TARBP1: variants seen among roughly 807,000 people sequenced by gnomAD.
TARBP1 encodes the protein tRNA guanosine 2 -O-methyltransferase TARBP1.
In TARBP1, 144 loss-of-function variants were observed where a neutral mutation model predicts 178.6. The ratio of observed to expected loss-of-function variants is 0.81; its 90% CI spans 0.70 to 0.93. The LOEUF (loss-of-function observed/expected upper bound fraction) is 0.93. TARBP1 is among the 40% of genes least tolerant of loss of function. TARBP1 has a pLI of 0.00. For synonymous variants in TARBP1, 787 were observed against 781.0 expected (o/e 1.01, Z -0.13); for missense variants, 2,067 against 2,011.7 (o/e 1.03, Z -0.53).
rs1571909040 is a variant in TARBP1, at chr1:234,479,179, G to T, written c.-76C>A. 1 of 1,308,738 alleles carries T rather than the reference G, an allele frequency of 7.6e-7. No homozygotes were observed. The allele number at this position is 1,308,738 out of a possible 1,614,324, so 81.1% of individuals were successfully genotyped here. On this transcript the variant is annotated 5_prime_UTR_variant, in exon 1 of 30. Transcript: ENST00000040877. ...GTGTGCGATGCGTGCGCACAGGACC[G>T]GCCGGCCCCTACGTGCGCGTGCGCC...
intron 23 of TARBP1, 81 bp downstream of exon 23, chr1:234,410,364 T>C: frequency 1.2e-6 from 1 of 805,334 alleles, no homozygotes. Flanking sequence ...TTCACAGGAA[T>C]GCTCTACATA....
At chr1:234,415,947 C>A (rs1490914480) in intron 22 of TARBP1, among the ~76,000 whole-genome samples, 3 of 152,244 alleles carry the variant, frequency 2.0e-5, no homozygotes, top group Non-Finnish European at 4.4e-5. Flanking sequence ...TTGATTCCAT[C>A]AGCAAAAGCT....
chr1:234,414,474 G>C (rs1373359639), intron 22 of TARBP1, among the ~76,000 whole-genome samples: 1 of 152,134 alleles, frequency 6.6e-6, no homozygotes, highest in Non-Finnish European at 1.5e-5. Context: ...GCCTGGAAAG[G>C]ACACAGAAAA....
chr1:234,420,626 T>C (rs975738935), intron 21 of TARBP1, 76 bp downstream of exon 21: 3 of 888,566 alleles, frequency 3.4e-6, no homozygotes, highest in African/African-American at 3.5e-5. Context: ...TAAAATAGTA[T>C]ATGATAGTTT....
At chr1:234,403,012 C>T (rs562413006) in intron 24 of TARBP1, among the ~76,000 whole-genome samples, 1 of 152,262 alleles carries the variant, frequency 6.6e-6, no homozygotes, top group South Asian at 2.1e-4. Context: ...TTCTCTGTCC[C>T]TCTACTAATC....
At chr1:234,445,135 T>G (rs1267704321) in intron 12 of TARBP1, among the ~76,000 whole-genome samples, 3 of 152,188 alleles carry the variant, frequency 2.0e-5, no homozygotes, top group Non-Finnish European at 4.4e-5. Flanking sequence ...CCAGTCCTTC[T>G]GTTAGGGCAT....
chr1:234,451,282 C>T (rs1320240068), intron 9 of TARBP1, among the ~76,000 whole-genome samples: 6 of 152,146 alleles, frequency 3.9e-5, no homozygotes, highest in Non-Finnish European at 8.8e-5. Context: ...TTTATAATAT[C>T]TGTCTTAATA....
intron 15 of TARBP1, 56 bp downstream of exon 15, chr1:234,430,031 T>C (rs1157304633): frequency 1.0e-5 from 15 of 1,507,208 alleles, no homozygotes; most frequent in African/African-American, 5.5e-5. Flanking sequence ...TGGGCAATCA[T>C]GAACTCACGG....
At chr1:234,398,358 A>T in intron 26 of TARBP1, 24 bp downstream of exon 26, 1 of 1,554,958 alleles carries the variant, frequency 6.4e-7, no homozygotes, top group Non-Finnish European at 8.7e-7. Context: ...AAGGGGAAAA[A>T]ATAAAATGAA....
rs749313087 is a variant in TARBP1, at chr1:234,448,553, A to C, written c.1888T>G (p.Trp630Gly). The C allele has an allele frequency of 4.3e-6, 7 of 1,614,086 alleles. No individual in the cohort carries two copies. In the Admixed American group the frequency reaches 1.2e-4, roughly 27 times the overall value. The change falls in exon 11 of 30, where the codon TGG (tryptophan) becomes GGG (glycine). Residue 630 changes from tryptophan to glycine, a missense_variant. Physicochemically the swap from Trp to Gly is radical, Grantham distance 184. Transcript: ENST00000040877. Reference sequence around the variant, plus strand: ...AGAGAAACAAGCTTGGCTTCAAACCAATCAGGCATAAAGCAGTTTTCTCCT... The same window carrying C: ...AGAGAAACAAGCTTGGCTTCAAACCCATCAGGCATAAAGCAGTTTTCTCCT... ...ETGENCFMPD[W>G]FEAKLVSLMV... is the part of the protein sequence containing the mutation.
chr1:234,409,695 G>A lies in TARBP1; in HGVS notation c.3792+750C>T, dbSNP rs12033513. On this transcript the variant is annotated intron_variant, in intron 23 of 29. Coordinates refer to ENST00000040877, the MANE Select transcript of TARBP1 (RefSeq NM_005646.4). The stretch of plus-strand genomic sequence containing the variant: ...AAAAAACATCACTGTTTAAAAACTA[G>A]AACACTGAAAAATTCTAGGAAAGCT... Among the ~76,000 whole-genome samples the A allele has an allele frequency of 2.4e-4, 37 of 152,306 alleles. No individual in the cohort carries two copies. In the East Asian group the frequency reaches 6.6e-3, roughly 27 times the overall value.
chr1:234,431,521 CTTCT>C (rs1232942606), intron 14 of TARBP1, among the ~76,000 whole-genome samples: 5 of 152,276 alleles, frequency 3.3e-5, no homozygotes, highest in African/African-American at 1.2e-4. Flanking sequence ...AATCGAGTAT[CTTCT>C]TTGTTTTTCT....
intron 4 of TARBP1, 145 bp downstream of exon 4, chr1:234,467,357 T>A (rs1016704762): frequency 2.0e-5 from 16 of 802,926 alleles, no homozygotes; most frequent in Middle Eastern, 3.0e-4. Context: ...CATAAGCTTT[T>A]TCCAAATAGG....
chr1:234,411,958 T>C (rs1372109600), intron 22 of TARBP1, among the ~76,000 whole-genome samples: 1 of 152,240 alleles, frequency 6.6e-6, no homozygotes, highest in African/African-American at 2.4e-5. Flanking sequence ...AGTTACTGAA[T>C]GTCTTCTACA....
intron 14 of TARBP1, among the ~76,000 whole-genome samples, chr1:234,431,232 A>G (rs2103133862): frequency 6.6e-6 from 1 of 152,330 alleles, no homozygotes; most frequent in South Asian, 2.1e-4. Context: ...ATCTCTACAG[A>G]AAAATTTTAC....
chr1:234,476,310 T>C lies in TARBP1; in HGVS notation c.931+1863A>G, dbSNP rs1472348649. 2.6e-5 allele frequency among the ~76,000 whole-genome samples: 4 copies of C among 152,212 alleles called. No individual in the cohort carries two copies. The East Asian group carries it at 7.7e-4, about 29-fold the overall frequency. ...AAAAAATCCTATTTCAGGAAACTGC[T>C]AGAGAATGCACTGCACTGACACAAG... is the stretch of plus-strand genomic sequence containing the variant. On this transcript the variant is annotated intron_variant, in intron 1 of 29. Transcript: ENST00000040877.
Position 234,429,318 on chromosome 1 carries a change from T to A in TARBP1, c.2878A>T (p.Thr960Ser). The A allele has an allele frequency of 6.4e-7, 1 of 1,571,786 alleles. No individual in the cohort carries two copies. Among genetic ancestry groups the A allele is most frequent in the Non-Finnish European group, 8.6e-7 (1 of 1,166,896 alleles). The stretch of plus-strand genomic sequence containing the variant: ...TCTATGCAGAGTGATTCAGAGGAAG[T>A]CAGAAGCTGGTAGGAAAAAAAAAAA... ...CLKVLVPKLL[T>S]SSESLCIESF... The change falls in exon 17 of 30, where the codon ACT (threonine) becomes TCT (serine). Residue 960 changes from threonine to serine, a missense_variant. Coordinates refer to ENST00000040877, the MANE Select transcript of TARBP1 (RefSeq NM_005646.4).
chr1:234,435,870 G>A (rs894041658), intron 13 of TARBP1, among the ~76,000 whole-genome samples: 18 of 152,236 alleles, frequency 1.2e-4, no homozygotes, highest in Non-Finnish European at 2.6e-4. Context: ...GGCTGAAATC[G>A]GCCGTGGAAA....
intron 1 of TARBP1, among the ~76,000 whole-genome samples, chr1:234,476,915 G>C (rs1669618730): frequency 6.6e-6 from 1 of 152,256 alleles, no homozygotes; most frequent in African/African-American, 2.4e-5. Flanking sequence ...GCCGAGCGCG[G>C]TGGCTCACGC....
Sources: gnomAD v4.1 joint callset for allele counts (sites outside exome capture counted in the v4.1 genomes callset) on GRCh38, gnomAD v4.1.1 for gene constraint, MANE v1.5 for transcripts, NCBI Gene and HGNC (gene_info 2026-07-23, HGNC 2026-07-21) for gene names.